The following APOL1 variants were observed in gnomAD, a reference collection of about 807,000 sequenced individuals.
APOL1 encodes apolipoprotein L1, also known as apolipoprotein L 1.
Under a neutral mutation model 14.9 loss-of-function variants are expected in APOL1, and 17 were observed. The observed-to-expected ratio is 1.14, with a 90% CI of 0.78 to 1.71. APOL1 has a LOEUF of 1.71. Among genes scored for constraint, APOL1 ranks in the 40% most tolerant of loss-of-function variants. APOL1 has a pLI of 0.00. For missense variants in APOL1, 523 were observed against 485.9 expected, an observed-to-expected ratio of 1.08 and a Z score of -0.72; for synonymous variants, 195 against 184.8, an observed-to-expected ratio of 1.05 and a Z score of -0.45.
chr22:36,257,559 C>T (rs542540327), intron 4 of APOL1, 152 bp downstream of exon 4: 10 of 793,882 alleles, frequency 1.3e-5, no homozygotes, highest in Admixed American at 2.0e-5. Context: ...TGGAGTCCCC[C>T]GACCCAGGGG....
rs11321251 is a variant in APOL1, at chr22:36,266,904, CAAA to C, written c.*886_*888del. ...TGGGTGACAGAGCGAGACTCCATCT[CAAA>C]AAAAAAAAAAAAAAGAATATATTGA... On this transcript the variant is annotated 3_prime_UTR_variant, in exon 6 of 6. Coordinates refer to ENST00000397278, the MANE Select transcript of APOL1 (RefSeq NM_003661.4). 6.1e-4 allele frequency: 51 copies of C among 83,298 alleles called. No homozygotes were observed. Among genetic ancestry groups the C allele is most frequent in the Non-Finnish European group, 8.4e-4 (34 of 40,698 alleles). The allele number at this position is 83,298 out of a possible 1,614,324, so 5.2% of individuals were successfully genotyped here. A position where few individuals can be genotyped will look rare whatever the true frequency, so the allele number is the denominator to read the frequency against.
At chr22:36,253,532 C>T (rs568866727) in intron 1 of APOL1, among the ~76,000 whole-genome samples, 5 of 152,272 alleles carry the variant, frequency 3.3e-5, no homozygotes, top group South Asian at 2.1e-4. Context: ...TTTGAAGGAA[C>T]CAAAGAAGGT....
chr22:36,261,547 T>G, intron 4 of APOL1, 49 bp from the exon 5 acceptor site: 2 of 1,575,346 alleles, frequency 1.3e-6, no homozygotes, highest in Non-Finnish European at 1.7e-6. Flanking sequence ...ATGGCTGTTA[T>G]GCACTCCCAC....
intron 4 of APOL1, chr22:36,259,875 G>A: frequency 7.7e-7 from 1 of 1,303,870 alleles, no homozygotes; most frequent in Non-Finnish European, 1.0e-6. Context: ...ACTCAATGCT[G>A]TGGAGTTTGA....
chr22:36,258,650 G>A (rs997143920), intron 4 of APOL1, among the ~76,000 whole-genome samples: 5 of 152,160 alleles, frequency 3.3e-5, no homozygotes, highest in Non-Finnish European at 5.9e-5. Flanking sequence ...GAGTGCAGGC[G>A]GACTCAGAAG....
Position 36,267,403 on chromosome 22 carries a change from A to G in APOL1, c.*1370A>G, listed in dbSNP as rs963709551. 1 of 152,276 alleles carries G rather than the reference A, an allele frequency of 6.6e-6. No homozygotes were observed. The highest frequency in any genetic ancestry group is 1.5e-5 in the Non-Finnish European group (1 of 68,080). The allele number at this position is 152,276 out of a possible 1,614,324, so 9.4% of individuals were successfully genotyped here. ...CCCATCGCTCTTACCCGGTAAGTAA[A>G]CAGTCAGAAAATTAGCATGAAAGCA... is the stretch of plus-strand genomic sequence containing the variant. On this transcript the variant is annotated 3_prime_UTR_variant, in exon 6 of 6. Coordinates refer to ENST00000397278, the MANE Select transcript of APOL1 (RefSeq NM_003661.4).
rs2016274579 is a variant in APOL1 at position 36,266,684 on chromosome 22, T to A, written c.*651T>A. ...ACTTTGGGAGGCCAAGGCGGGCGGA[T>A]CACGAGGTCAGGAGATCGAGACCAT... On this transcript the variant is annotated 3_prime_UTR_variant, in exon 6 of 6. Transcript: ENST00000397278. 4 of 372,164 alleles carry A rather than the reference T, an allele frequency of 1.1e-5. No individual in the cohort carries two copies. The highest frequency in any genetic ancestry group is 4.6e-5 in the Admixed American group (1 of 21,852). The allele number at this position is 372,164 out of a possible 1,614,324, so 23.1% of individuals were successfully genotyped here. A position where few individuals can be genotyped will look rare whatever the true frequency, so the allele number is the denominator to read the frequency against.
At position 36,265,152 on chromosome 22, in the gene APOL1, A is replaced by C. The variant is rs777898853; in HGVS notation, c.316A>C (p.Asn106His). ...ATCCTTTAACCTTTCCTTGTGCAGG[A>C]ATGAGGCAGATGAGCTCCGTAAAGC... ...GFVAAAELPR[N>H]EADELRKALD... Residue 106 changes from asparagine to histidine, a missense_variant and splice_region_variant, in exon 6 of 6, where the codon AAT becomes CAT. Coordinates refer to ENST00000397278, the MANE Select transcript of APOL1 (RefSeq NM_003661.4). 2 of 1,613,994 alleles carry C rather than the reference A, an allele frequency of 1.2e-6. No homozygotes were observed. The highest frequency in any genetic ancestry group is 1.7e-6 in the Non-Finnish European group (2 of 1,179,976).
intron 1 of APOL1, chr22:36,254,003 T>C: frequency 6.2e-7 from 1 of 1,613,922 alleles, no homozygotes; most frequent in Non-Finnish European, 8.5e-7. Flanking sequence ...TGAGTATAAC[T>C]ACAGGAGTGA....
At chr22:36,262,549 A>G (rs533270473) in intron 5 of APOL1, among the ~76,000 whole-genome samples, 4 of 152,332 alleles carry the variant, frequency 2.6e-5, no homozygotes, top group South Asian at 4.1e-4. Context: ...TGGAGTCAGG[A>G]TGGAGCAAGA....
intron 4 of APOL1, among the ~76,000 whole-genome samples, chr22:36,257,808 C>T (rs10854688): frequency 0.75 from 113,741 of 152,074 alleles, 43,163 homozygotes; most frequent in African/African-American, 0.87. Flanking sequence ...CAAGCTGACC[C>T]TGGGGTGTTT....
At chr22:36,259,643 C>T (rs767218162) in intron 4 of APOL1, 12 of 1,276,028 alleles carry the variant, frequency 9.4e-6, no homozygotes, top group Non-Finnish European at 1.2e-5. Context: ...CCCCCCAAAA[C>T]AAGATGATCT....
intron 5 of APOL1, among the ~76,000 whole-genome samples, chr22:36,264,252 C>T (rs192387251): frequency 2.6e-5 from 4 of 152,294 alleles, no homozygotes; most frequent in East Asian, 1.9e-4. Flanking sequence ...CCCCTTTAGT[C>T]CCCGGGTCCT....
chr22:36,255,375 TG>T (rs2015834803), intron 2 of APOL1, among the ~76,000 whole-genome samples: 1 of 152,254 alleles, frequency 6.6e-6, no homozygotes, highest in South Asian at 2.1e-4. Context: ...GCTCATGAGA[TG>T]GTGTTGAGAT....
intron 5 of APOL1, among the ~76,000 whole-genome samples, chr22:36,262,434 T>C (rs909479047): frequency 1.6e-4 from 24 of 152,152 alleles, no homozygotes; most frequent in Non-Finnish European, 3.4e-4. Context: ...CTCAATGTGA[T>C]AGGAGTGTGG....
intron 4 of APOL1, among the ~76,000 whole-genome samples, chr22:36,259,301 T>C (rs1348901566): frequency 6.6e-6 from 1 of 152,172 alleles, no homozygotes; most frequent in Non-Finnish European, 1.5e-5. Context: ...ATACACAGAT[T>C]TAGTGCCAGA....
At chr22:36,254,035 TAGA>T (rs1210111895) in intron 1 of APOL1, 6 of 1,609,330 alleles carry the variant, frequency 3.7e-6, no homozygotes, top group Non-Finnish European at 5.1e-6. Flanking sequence ...TCTGTGTTCA[TAGA>T]AGGAGAATCA....
intron 4 of APOL1, chr22:36,259,964 A>ATAAGGAGTTTTAATGT: frequency 1.6e-6 from 2 of 1,215,190 alleles, no homozygotes; most frequent in Admixed American, 3.1e-5. Context: ...TTTTCAAAAC[A>ATAAGGAGTTTTAATGT]TAAGGAGTTT....
chr22:36,259,292 TAC>T (rs1345636973), intron 4 of APOL1, among the ~76,000 whole-genome samples: 1 of 152,176 alleles, frequency 6.6e-6, no homozygotes, highest in Non-Finnish European at 1.5e-5. Context: ...CATCAAGAAA[TAC>T]ACAGATTTAG....
Sources: allele counts gnomAD v4.1 joint callset (sites outside exome capture counted in the v4.1 genomes callset), GRCh38; gene constraint gnomAD v4.1.1; transcripts MANE v1.5; gene names NCBI Gene and HGNC (gene_info 2026-07-23, HGNC 2026-07-21).